The following SPO11 variants were observed in gnomAD, a reference collection of about 807,000 sequenced individuals.
SPO11 encodes SPO11 initiator of meiotic double strand breaks.
SPO11 carries 49 observed loss-of-function variants against 51.6 expected under a neutral mutation model. The ratio of observed to expected loss-of-function variants is 0.95; its 90% CI spans 0.75 to 1.20. The LOEUF is 1.20. Among genes scored for constraint, SPO11 ranks in the 50% most tolerant of loss-of-function variants. The probability of loss-of-function intolerance (pLI) is 0.00; values close to 1 mark genes in which losing one functional copy is unlikely to be tolerated. For synonymous variants in SPO11, 176 were observed against 158.2 expected, an observed-to-expected ratio of 1.11 and a Z score of -0.84; for missense variants, 431 against 473.4, an observed-to-expected ratio of 0.91 and a Z score of 0.83.
At chr20:57,333,827 G>A (rs1027924398) in intron 4 of SPO11, 74 bp downstream of exon 4, 18 of 1,036,218 alleles carry the variant, frequency 1.7e-5, no homozygotes, top group Non-Finnish European at 2.6e-5. Context: ...TTTATTATAT[G>A]CTTTGAAAAG....
intron 5 of SPO11, 35 bp downstream of exon 5, chr20:57,334,130 A>G: frequency 8.7e-7 from 1 of 1,148,158 alleles, no homozygotes; most frequent in Non-Finnish European, 1.2e-6. Flanking sequence ...TTTTATTTTA[A>G]AACAAAATGT....
intron 2 of SPO11, 71 bp from the exon 3 acceptor site, chr20:57,333,117 T>A: frequency 9.1e-7 from 1 of 1,104,460 alleles, no homozygotes; most frequent in Non-Finnish European, 1.3e-6. Flanking sequence ...CAGAAGACCA[T>A]AAGTATATAT....
At chr20:57,334,913 G>A in intron 6 of SPO11, 77 bp downstream of exon 6, 2 of 1,240,830 alleles carry the variant, frequency 1.6e-6, no homozygotes, top group Non-Finnish European at 2.3e-6. Flanking sequence ...TTTATTTCTT[G>A]CTTTATTATG....
At chr20:57,330,378 T>A (rs949921382) in intron 1 of SPO11, among the ~76,000 whole-genome samples, 9 of 152,158 alleles carry the variant, frequency 5.9e-5, no homozygotes, top group Non-Finnish European at 1.3e-4. Flanking sequence ...TTAAGGGTTT[T>A]TTTTGGTTTT....
chr20:57,333,906 T>C, intron 4 of SPO11, 81 bp from the exon 5 acceptor site: 1 of 977,158 alleles, frequency 1.0e-6, no homozygotes, highest in Non-Finnish European at 1.5e-6. Flanking sequence ...CAGTTAAAGC[T>C]TTCTTCAATT....
At position 57,333,242 on chromosome 20, in the gene SPO11, C is replaced by A. The variant is rs780860543; in HGVS notation, c.300C>A (p.Ile100=). The A allele has an allele frequency of 1.2e-6, 2 of 1,609,938 alleles. No individual in the cohort carries two copies. The highest frequency in any genetic ancestry group is 1.1e-5 in the South Asian group (1 of 89,924). The change falls in exon 3 of 13, where the codon ATC becomes ATA. Residue 100 remains isoleucine, a synonymous_variant. Transcript: ENST00000371263. The part of the protein sequence containing the change: ...QMVSHCTTRK[I]KSDSPKSAQK... ...TATCCCATTGCACCACCAGAAAGAT[C>A]AAAAGTGATTCACCAAAATCAGCTC...
intron 11 of SPO11, among the ~76,000 whole-genome samples, chr20:57,341,259 A>G (rs2066578191): frequency 6.6e-6 from 1 of 152,166 alleles, no homozygotes; most frequent in African/African-American, 2.4e-5. Flanking sequence ...TCGTGCTTTG[A>G]TGCAGTCTCT....
chr20:57,338,446 C>CAT, intron 9 of SPO11, 71 bp downstream of exon 9: 1 of 914,844 alleles, frequency 1.1e-6, no homozygotes, highest in Non-Finnish European at 1.6e-6. Flanking sequence ...TTTTCTTCCT[C>CAT]TTTTTTTTTT....
At chr20:57,337,149 C>T (rs144516785) in intron 8 of SPO11, among the ~76,000 whole-genome samples, 42 of 152,218 alleles carry the variant, frequency 2.8e-4, no homozygotes, top group Middle Eastern at 3.4e-3. Context: ...AGCTGTGACC[C>T]GAAGCCCATT....
intron 11 of SPO11, among the ~76,000 whole-genome samples, chr20:57,341,012 A>G (rs1375652153): frequency 6.6e-6 from 1 of 152,040 alleles, no homozygotes; most frequent in African/African-American, 2.4e-5. Flanking sequence ...ACCTTTGTAG[A>G]TTTTTTTTCT....
At chr20:57,339,938 C>T (rs1368413219) in intron 10 of SPO11, among the ~76,000 whole-genome samples, 164 bp from the exon 11 acceptor site, 2 of 152,218 alleles carry the variant, frequency 1.3e-5, no homozygotes, top group African/African-American at 2.4e-5. Context: ...AAAAGCCCAG[C>T]TTAGCATAGC....
At chr20:57,334,968 G>T (rs1600680682) in intron 6 of SPO11, 132 bp downstream of exon 6, 8 of 686,472 alleles carry the variant, frequency 1.2e-5, no homozygotes, top group Non-Finnish European at 1.9e-5. Context: ...AAGATGGATA[G>T]GAATATGCTT....
chr20:57,333,021 A>T (rs2066467605), intron 2 of SPO11, among the ~76,000 whole-genome samples, 167 bp from the exon 3 acceptor site: 1 of 152,202 alleles, frequency 6.6e-6, no homozygotes, highest in African/African-American at 2.4e-5. Flanking sequence ...CCTAGTTATC[A>T]CCTGGAATGA....
chr20:57,337,823 GGTTGCT>G, intron 8 of SPO11: 1 of 1,231,156 alleles, frequency 8.1e-7, no homozygotes, highest in South Asian at 1.3e-5. Flanking sequence ...TATGAACCAG[GGTTGCT>G]GTGGCCACAT....
At chr20:57,338,460 CT>C (rs2066540773) in intron 9 of SPO11, 85 bp downstream of exon 9, 1 of 904,318 alleles carries the variant, frequency 1.1e-6, no homozygotes, top group Non-Finnish European at 1.6e-6. Flanking sequence ...TTTTTTTTTT[CT>C]TTTTGAGATT....
intron 5 of SPO11, among the ~76,000 whole-genome samples, chr20:57,334,443 C>T (rs922500836): frequency 5.3e-5 from 8 of 152,150 alleles, no homozygotes; most frequent in African/African-American, 1.7e-4. Context: ...CGTAAGCCAC[C>T]GCGCCCAGAC....
intron 8 of SPO11, 76 bp from the exon 9 acceptor site, chr20:57,338,200 A>T: frequency 9.1e-7 from 1 of 1,102,870 alleles, no homozygotes; most frequent in Non-Finnish European, 1.3e-6. Context: ...CTAACTTTTA[A>T]ATTATTAATA....
At chr20:57,338,952 A>G in intron 9 of SPO11, 37 bp from the exon 10 acceptor site, 1 of 1,344,932 alleles carries the variant, frequency 7.4e-7, no homozygotes, top group East Asian at 2.4e-5. Flanking sequence ...TGTAATATGT[A>G]AGGAGACTAA....
intron 8 of SPO11, among the ~76,000 whole-genome samples, chr20:57,337,123 G>C (rs1237034751): frequency 1.3e-5 from 2 of 151,596 alleles, no homozygotes; most frequent in East Asian, 3.9e-4. Context: ...TGGGCAGAGA[G>C]GGAATTCAAA....
Sources: allele counts gnomAD v4.1 joint callset (sites outside exome capture counted in the v4.1 genomes callset), GRCh38; gene constraint gnomAD v4.1.1; transcripts MANE v1.5; gene names NCBI Gene and HGNC (gene_info 2026-07-23, HGNC 2026-07-21).